RBFOX1: variants seen among roughly 807,000 people sequenced by gnomAD.
RBFOX1 encodes RNA binding fox-1 homolog 1.
Under a neutral mutation model 57.7 loss-of-function variants are expected in RBFOX1, and 8 were observed. The observed-to-expected ratio is 0.14, with a 90% confidence interval of 0.08 to 0.25. RBFOX1 has a LOEUF of 0.25. Among genes scored for constraint, RBFOX1 ranks in the 10% least tolerant of loss-of-function variants. The probability of loss-of-function intolerance (pLI) is 1.00; values close to 1 mark genes in which losing one functional copy is unlikely to be tolerated. For synonymous variants in RBFOX1, 326 were observed against 222.4 expected (o/e 1.47, Z -4.15); for missense variants, 611 against 548.5 (o/e 1.11, Z -1.14).
intron 3 of RBFOX1, among the ~76,000 whole-genome samples, chr16:5,760,259 C>T (rs2053545813): frequency 1.3e-5 from 2 of 151,974 alleles, no homozygotes; most frequent in Admixed American, 6.6e-5. Context: ...CAGTTGGTTG[C>T]CTTAGGCACT....
At position 7,273,495 on chromosome 16, in the gene RBFOX1, A is replaced by G. The variant is rs1713421941; in HGVS notation, c.27+221397A>G. Reference sequence around the variant, plus strand: ...GTCCCTGGAATTTGATGATGACTTAAGTGGAAATCCCAGCTTTAGCATATA... The same window carrying G: ...GTCCCTGGAATTTGATGATGACTTAGGTGGAAATCCCAGCTTTAGCATATA... On this transcript the variant is annotated intron_variant, in intron 4 of 15. Coordinates refer to ENST00000550418, the MANE Select transcript of RBFOX1 (RefSeq NM_018723.4). 2.0e-5 allele frequency among the ~76,000 whole-genome samples: 3 copies of G among 152,150 alleles called. No individual in the cohort carries two copies. In the South Asian group the frequency reaches 6.2e-4, roughly 32 times the overall value.
At chr16:7,611,726 G>C (rs1158024542) in intron 10 of RBFOX1, among the ~76,000 whole-genome samples, 4 of 152,136 alleles carry the variant, frequency 2.6e-5, no homozygotes, top group Admixed American at 1.3e-4. Context: ...TATTTGCATT[G>C]ATAAATTATG....
Position 6,210,361 on chromosome 16 carries a change from CAAAAA to C in RBFOX1, c.-126-106621_-126-106617del, listed in dbSNP as rs3064933. 1.4e-3 allele frequency among the ~76,000 whole-genome samples: 83 copies of C among 61,466 alleles called. 2 individuals are homozygous for C. The highest frequency in any genetic ancestry group is 2.5e-3 in the Non-Finnish European group (72 of 28,760). 40.3% of individuals were successfully genotyped at this position (61,466 alleles called of 152,430 possible). A position where few individuals can be genotyped will look rare whatever the true frequency, so the allele number is the denominator to read the frequency against. On this transcript the variant is annotated intron_variant, in intron 1 of 15. Coordinates refer to ENST00000550418, the MANE Select transcript of RBFOX1 (RefSeq NM_018723.4). ...ACAAAAAAACAAAAAAAAAAAACAC[CAAAAA>C]AAAAAAAAAAAAGAGAAAGGAAGGA...
rs575304617 is a variant in RBFOX1 at position 6,706,084 on chromosome 16, A to G, written c.-16+51434A>G. 1.1e-4 allele frequency among the ~76,000 whole-genome samples: 17 copies of G among 152,306 alleles called. No homozygotes were observed. In the South Asian group the frequency reaches 2.1e-3, roughly 19 times the overall value. ...GAATTGTGGACCACCTTTCACGCCT[A>G]TTAAAACCCGGATGCTTAGCCCCAG... On this transcript the variant is annotated intron_variant, in intron 3 of 15. Transcript: ENST00000550418.
chr16:5,783,432 G>A (rs944192781), intron 3 of RBFOX1, among the ~76,000 whole-genome samples: 2 of 152,006 alleles, frequency 1.3e-5, no homozygotes, highest in Admixed American at 6.5e-5. Context: ...TGTATATAGA[G>A]ATTTTTTCTT....
intron 2 of RBFOX1, among the ~76,000 whole-genome samples, chr16:5,593,140 A>C (rs57875656): frequency 3.3e-5 from 5 of 152,166 alleles, no homozygotes; most frequent in Admixed American, 3.3e-4. Flanking sequence ...GCACATATAC[A>C]CCATGGGATA....
At chr16:7,432,432 C>T (rs943488443) in intron 4 of RBFOX1, among the ~76,000 whole-genome samples, 1 of 152,192 alleles carries the variant, frequency 6.6e-6, no homozygotes, top group African/African-American at 2.4e-5. Flanking sequence ...AATCGTTGTG[C>T]TTACTGAGGC....
intron 1 of RBFOX1, among the ~76,000 whole-genome samples, chr16:5,338,250 T>G (rs1030056776): frequency 2.0e-5 from 3 of 152,106 alleles, no homozygotes; most frequent in Admixed American, 2.0e-4. Context: ...GACCTCAGAA[T>G]CTTGGCCATA....
Position 5,898,362 on chromosome 16 carries a change from A to G in RBFOX1, c.351+31027A>G, listed in dbSNP as rs74004688. 5.7e-3 allele frequency among the ~76,000 whole-genome samples: 869 copies of G among 152,192 alleles called. 8 individuals are homozygous for G. Among genetic ancestry groups the G allele is most frequent in the African/African-American group, 0.019 (801 of 41,536 alleles). ...CATAGAGCAAGATCTTAACTCTTCT[A>G]CCTGAGAAGTAGGGAGGACATGACC... On this transcript the variant is annotated intron_variant, in intron 4 of 19. Transcript: ENST00000641259.
In RBFOX1 at chr16:5,317,924, C is replaced by A. The variant is rs1407372201; in HGVS notation, c.219+77819C>A. Among the ~76,000 whole-genome samples, 3 of 152,180 alleles carry A rather than the reference C, an allele frequency of 2.0e-5. No homozygotes were observed. In the East Asian group the frequency reaches 5.8e-4, roughly 29 times the overall value. On this transcript the variant is annotated intron_variant, in intron 1 of 2. Transcript: ENST00000585867. ...AGAAACTCTATATCCTAAGCAATAA[C>A]TTCTCATTTCCCCTGTTCCTAGTGT...
chr16:6,632,648 A>G (rs1297037696), intron 2 of RBFOX1, among the ~76,000 whole-genome samples: 1 of 152,144 alleles, frequency 6.6e-6, no homozygotes, highest in Non-Finnish European at 1.5e-5. Context: ...TATTCCACTC[A>G]TGACACTGGG....
chr16:6,143,959 C>CCACATATATATATATATATATA (rs71404590), intron 1 of RBFOX1, among the ~76,000 whole-genome samples: 31 of 139,964 alleles, frequency 2.2e-4, no homozygotes, highest in African/African-American at 8.1e-4. Flanking sequence ...CCATACTCAG[C>CCACATATATATATATATATATA]TATATATATA....
intron 4 of RBFOX1, chr16:7,333,125 C>G: frequency 6.4e-7 from 1 of 1,562,576 alleles, no homozygotes; most frequent in Non-Finnish European, 8.8e-7. Flanking sequence ...AACTTAACTC[C>G]AGAGTGCTCA....
At chr16:5,321,326 G>T (rs7500010) in intron 1 of RBFOX1, among the ~76,000 whole-genome samples, 1,273 of 20,290 alleles carry the variant, frequency 0.063, 57 homozygotes, top group East Asian at 0.48. Context: ...GATAACTTTT[G>T]TTTTTTTTTT....
Position 6,755,545 on chromosome 16 carries a change from G to C in RBFOX1, c.-16+100895G>C, listed in dbSNP as rs373688443. ...ACCCGTCAGAACACCTGAAATATTT[G>C]CTACAGTTTTGATGTTTCATTTATC... On this transcript the variant is annotated intron_variant, in intron 3 of 15. Coordinates refer to ENST00000550418, the MANE Select transcript of RBFOX1 (RefSeq NM_018723.4). Among the ~76,000 whole-genome samples the C allele has an allele frequency of 3.3e-5, 5 of 152,240 alleles. No individual in the cohort carries two copies. The East Asian group carries it at 5.8e-4, about 18-fold the overall frequency.
chr16:7,086,721 T>TACACACAAAC (rs1555460286), intron 4 of RBFOX1, among the ~76,000 whole-genome samples: 1 of 149,476 alleles, frequency 6.7e-6, no homozygotes, highest in Non-Finnish European at 1.5e-5. Flanking sequence ...GAAGAATGTA[T>TACACACAAAC]ACACACACAC....
intron 3 of RBFOX1, among the ~76,000 whole-genome samples, chr16:5,750,604 T>G (rs760677265): frequency 6.6e-6 from 1 of 152,162 alleles, no homozygotes; most frequent in Non-Finnish European, 1.5e-5. Context: ...CGTCTTGCAG[T>G]TCGATCTCAG....
At chr16:6,587,383 G>A (rs191092564) in intron 2 of RBFOX1, among the ~76,000 whole-genome samples, 1 of 152,254 alleles carries the variant, frequency 6.6e-6, no homozygotes, top group East Asian at 1.9e-4. Context: ...CCAGGATCAA[G>A]CAATTCTCCT....
intron 3 of RBFOX1, among the ~76,000 whole-genome samples, chr16:6,953,357 T>C (rs1470129886): frequency 6.8e-6 from 1 of 147,184 alleles, no homozygotes; most frequent in Non-Finnish European, 1.5e-5. Flanking sequence ...GAGATCACAA[T>C]GTTTCCCATA....
Sources: gnomAD v4.1 joint callset for allele counts (sites outside exome capture counted in the v4.1 genomes callset) on GRCh38, gnomAD v4.1.1 for gene constraint, MANE v1.5 for transcripts, NCBI Gene and HGNC (gene_info 2026-07-23, HGNC 2026-07-21) for gene names.